DPP6: variants seen among roughly 807,000 people sequenced by gnomAD.
DPP6 encodes the protein A-type potassium channel modulatory protein DPP6.
A neutral mutation model predicts 122.6 loss-of-function variants in DPP6; 69 were observed. The ratio of observed to expected loss-of-function variants is 0.56; its 90% CI spans 0.46 to 0.69. DPP6 has a LOEUF of 0.69. Ranked by LOEUF, DPP6 falls within the 30% of genes least tolerant of loss-of-function variation. DPP6 has a pLI of 0.00. For missense variants in DPP6, 928 were observed against 1,116.9 expected (o/e 0.83, Z 2.41); for synonymous variants, 418 against 433.1 (o/e 0.97, Z 0.43).
chr7:154,389,490 A>G (rs1004148492), intron 1 of DPP6, among the ~76,000 whole-genome samples: 1 of 152,280 alleles, frequency 6.6e-6, no homozygotes, highest in South Asian at 2.1e-4. Context: ...GTGTCTTGAT[A>G]ATTTTATGAA....
chr7:154,326,390 A>G (rs1808446647), intron 1 of DPP6, among the ~76,000 whole-genome samples: 1 of 152,154 alleles, frequency 6.6e-6, no homozygotes, highest in Non-Finnish European at 1.5e-5. Flanking sequence ...CTGGAGGATA[A>G]AAGTCAGAGC....
intron 19 of DPP6, among the ~76,000 whole-genome samples, chr7:154,874,808 G>A (rs189044109): frequency 6.6e-6 from 1 of 152,312 alleles, no homozygotes; most frequent in East Asian, 1.9e-4. Context: ...CGGCAAGAGG[G>A]AAAATCACTT....
rs185016450 is a variant in DPP6, at chr7:153,993,126, A to G, written c.51+105392A>G. Reference sequence around the variant, plus strand: ...CTGCTTCACGGCAGCAGTCTCCTACATAACCACAGAGTTTAGACTTCACTA... The same window carrying G: ...CTGCTTCACGGCAGCAGTCTCCTACGTAACCACAGAGTTTAGACTTCACTA... On this transcript the variant is annotated intron_variant, in intron 1 of 25. Transcript: ENST00000404039. 3.5e-3 allele frequency among the ~76,000 whole-genome samples: 536 copies of G among 152,344 alleles called. 2 individuals are homozygous for G. Among genetic ancestry groups the G allele is most frequent in the African/African-American group, 0.012 (515 of 41,578 alleles).
intron 1 of DPP6, among the ~76,000 whole-genome samples, chr7:153,902,631 T>TGG: frequency 6.6e-6 from 1 of 152,134 alleles, no homozygotes; most frequent in Admixed American, 6.6e-5. Context: ...GGTCAGGAGT[T>TGG]CGAGACCAGC....
At chr7:153,798,210 T>A in the DPP6 span, among the ~76,000 whole-genome samples, 2 of 152,184 alleles carry the variant, frequency 1.3e-5, no homozygotes, top group Non-Finnish European at 2.9e-5. Context: ...CGTCTATACC[T>A]AATTACTTCC....
At chr7:154,799,591 G>C (rs566028537) in intron 12 of DPP6, among the ~76,000 whole-genome samples, 6 of 152,146 alleles carry the variant, frequency 3.9e-5, no homozygotes, top group African/African-American at 1.2e-4. Context: ...GGGCTGGAAG[G>C]GGGGTTGGAC....
chr7:154,122,682 C>CG lies in DPP6; in HGVS notation c.243+69620dup, dbSNP rs540447980. On this transcript the variant is annotated intron_variant, in intron 1 of 25. Transcript: ENST00000377770. ...AGTATGTAATAGCCCTCTTGTATGT[C>CG]GCTGTATTCTTTCTACTGTCCATAG... is the stretch of plus-strand genomic sequence containing the variant. Among the ~76,000 whole-genome samples, 805 of 152,124 alleles carry CG rather than the reference C, an allele frequency of 5.3e-3. 1 individual carries two copies. The highest frequency in any genetic ancestry group is 0.019 in the African/African-American group (773 of 41,462).
At chr7:154,005,361 G>T (rs1324424453) in intron 1 of DPP6, among the ~76,000 whole-genome samples, 1 of 152,120 alleles carries the variant, frequency 6.6e-6, no homozygotes, top group African/African-American at 2.4e-5. Context: ...ACTTTAGCAG[G>T]TTCCACTAGT....
At chr7:154,417,843 G>T (rs1224745582) in intron 1 of DPP6, among the ~76,000 whole-genome samples, 1 of 152,156 alleles carries the variant, frequency 6.6e-6, no homozygotes, top group Admixed American at 6.5e-5. Context: ...TCAAACCAGT[G>T]CAAAAGCGAC....
At chr7:154,157,957 G>A (rs1227167903) in intron 1 of DPP6, among the ~76,000 whole-genome samples, 2 of 147,956 alleles carry the variant, frequency 1.4e-5, no homozygotes, top group Non-Finnish European at 3.0e-5. Flanking sequence ...ACATATATAT[G>A]TACATATATA....
chr7:154,251,669 T>A (rs777439730), intron 1 of DPP6, among the ~76,000 whole-genome samples: 2 of 152,178 alleles, frequency 1.3e-5, no homozygotes, highest in African/African-American at 4.8e-5. Context: ...GAGCCACTGG[T>A]GTAAGTCTAA....
upstream of DPP6, among the ~76,000 whole-genome samples, chr7:153,885,014 ATATATATG>A (rs1439873275): frequency 3.1e-4 from 46 of 146,158 alleles, no homozygotes; most frequent in African/African-American, 1.1e-3. Flanking sequence ...ATATATATAT[ATATATATG>A]TTTGTCTTCT....
intron 1 of DPP6, among the ~76,000 whole-genome samples, chr7:153,920,816 C>G (rs1800604771): frequency 6.6e-6 from 1 of 152,084 alleles, no homozygotes; most frequent in African/African-American, 2.4e-5. Context: ...ACCTCAGCCT[C>G]CCAAAGTGCT....
At chr7:154,206,662 C>T (rs911183208) in intron 1 of DPP6, among the ~76,000 whole-genome samples, 2 of 152,176 alleles carry the variant, frequency 1.3e-5, no homozygotes, top group Non-Finnish European at 2.9e-5. Flanking sequence ...TCTCTTTTCT[C>T]ATCAAGATAT....
At chr7:154,733,346 T>C (rs555464307) in intron 8 of DPP6, among the ~76,000 whole-genome samples, 3 of 152,264 alleles carry the variant, frequency 2.0e-5, no homozygotes, top group Non-Finnish European at 2.9e-5. Flanking sequence ...CCCTCAGTCC[T>C]GCTGGATGAG....
At chr7:154,168,022 C>T in intron 1 of DPP6, among the ~76,000 whole-genome samples, 1 of 152,278 alleles carries the variant, frequency 6.6e-6, no homozygotes, top group East Asian at 1.9e-4. Flanking sequence ...GTGAGCAGAT[C>T]TGTTTCTGTT....
chr7:154,093,598 CCACACACACACCATA>C (rs137923756), intron 1 of DPP6: 12,217 of 134,828 alleles, frequency 0.091, 513 homozygotes, highest in East Asian at 0.16. Flanking sequence ...ACACCATACC[CCACACACACACCATA>C]CACACACACA....
chr7:153,943,756 A>G (rs1423539993), intron 1 of DPP6, among the ~76,000 whole-genome samples: 4 of 152,240 alleles, frequency 2.6e-5, no homozygotes, highest in African/African-American at 9.6e-5. Flanking sequence ...TTCAGTGTTT[A>G]TAAAAAGCAA....
At chr7:154,362,866 C>T (rs1811847235) in intron 1 of DPP6, among the ~76,000 whole-genome samples, 1 of 152,192 alleles carries the variant, frequency 6.6e-6, no homozygotes, top group African/African-American at 2.4e-5. Context: ...AGCCCTGCTC[C>T]ACTACATCAG....
Sources: allele counts gnomAD v4.1 joint callset (sites outside exome capture counted in the v4.1 genomes callset), GRCh38; gene constraint gnomAD v4.1.1; transcripts MANE v1.5; gene names NCBI Gene and HGNC (gene_info 2026-07-23, HGNC 2026-07-21).